The following APOL5 variants were observed in gnomAD, a reference collection of about 807,000 sequenced individuals.
APOL5 encodes the protein apolipoprotein L5.
A neutral mutation model predicts 35.5 loss-of-function variants in APOL5; 29 were observed. That is an observed-to-expected ratio of 0.82 (90% CI 0.61 to 1.11). The LOEUF is 1.11. Among genes scored for constraint, APOL5 ranks in the 50% most tolerant of loss-of-function variants. The pLI, the probability that APOL5 is intolerant of heterozygous loss-of-function variation, is 0.00. For missense variants in APOL5, 514 were observed against 530.4 expected, an observed-to-expected ratio of 0.97 and a Z score of 0.30; for synonymous variants, 188 against 200.2, an observed-to-expected ratio of 0.94 and a Z score of 0.51.
At chr22:35,718,186 T>C (rs1245819365) in intron 1 of APOL5, among the ~76,000 whole-genome samples, 1 of 152,228 alleles carries the variant, frequency 6.6e-6, no homozygotes, top group African/African-American at 2.4e-5. Flanking sequence ...TAAGCAGCTC[T>C]TTAAGCCCCT....
chr22:35,715,506 C>T (rs141664288), upstream of APOL5, among the ~76,000 whole-genome samples: 3,971 of 152,138 alleles, frequency 0.026, 83 homozygotes, highest in Middle Eastern at 0.088. Context: ...ATTAGCTGGG[C>T]GTGGTGGTGC....
chr22:35,717,255 T>TATATATATATATATATATATATATATA (rs1167745529), upstream of APOL5, among the ~76,000 whole-genome samples: 4 of 123,152 alleles, frequency 3.2e-5, no homozygotes, highest in African/African-American at 8.7e-5. Context: ...TATATATATA[T>TATATATATATATATATATATATATATA]TAGCTGGGTG....
chr22:35,712,870 T>C, the APOL5 span, among the ~76,000 whole-genome samples: 9 of 152,208 alleles, frequency 5.9e-5, no homozygotes. Context: ...TCTTTTCCCC[T>C]CTCTGCCTCA....
chr22:35,709,367 T>TCACACACACACA, the APOL5 span, among the ~76,000 whole-genome samples: 506 of 149,924 alleles, frequency 3.4e-3, 2 homozygotes, highest in Middle Eastern at 0.061. Flanking sequence ...CACAAAATTT[T>TCACACACACACA]CACACACACA....
the APOL5 span, among the ~76,000 whole-genome samples, chr22:35,711,662 CTCTT>C: frequency 3.4e-5 from 3 of 89,074 alleles, no homozygotes; most frequent in Admixed American, 1.2e-4. Context: ...CTCCCTCCCT[CTCTT>C]CCTCCCTTCC....
chr22:35,722,292 C>G (rs1926999329), intron 2 of APOL5, among the ~76,000 whole-genome samples: 1 of 152,054 alleles, frequency 6.6e-6, no homozygotes, highest in African/African-American at 2.4e-5. Context: ...GAAAATCAGC[C>G]AGTGGTTGAG....
intron 1 of APOL5, among the ~76,000 whole-genome samples, chr22:35,718,327 C>T (rs2145996194): frequency 6.6e-6 from 1 of 152,188 alleles, no homozygotes; most frequent in East Asian, 1.9e-4. Flanking sequence ...TGTTATGACC[C>T]CAAAGCACGG....
At chr22:35,715,581 G>A (rs1363229200), upstream of APOL5, among the ~76,000 whole-genome samples, 1 of 152,162 alleles carries the variant, frequency 6.6e-6, no homozygotes, top group Non-Finnish European at 1.5e-5. Context: ...GGGAGGCAGA[G>A]GTTGCAAAGC....
chr22:35,721,867 T>A (rs779602665), intron 2 of APOL5, among the ~76,000 whole-genome samples: 1 of 151,778 alleles, frequency 6.6e-6, no homozygotes, highest in Non-Finnish European at 1.5e-5. Context: ...CTTGCCAAAG[T>A]GTCCATAAGG....
chr22:35,724,003 G>T (rs1172446200), intron 2 of APOL5, among the ~76,000 whole-genome samples: 1 of 152,080 alleles, frequency 6.6e-6, no homozygotes, highest in Admixed American at 6.6e-5. Flanking sequence ...ATTCAACACT[G>T]TCCCACTGAA....
upstream of APOL5, among the ~76,000 whole-genome samples, chr22:35,714,420 A>G (rs980917500): frequency 6.6e-6 from 1 of 152,212 alleles, no homozygotes; most frequent in African/African-American, 2.4e-5. Context: ...TGTGTGGTTG[A>G]GAATTCCAGA....
At chr22:35,717,235 A>AAAAATAT, upstream of APOL5, among the ~76,000 whole-genome samples, 1,362 of 57,614 alleles carry the variant, frequency 0.024, 57 homozygotes, top group Middle Eastern at 0.043. Context: ...AAAAAAAAAA[A>AAAAATAT]ATATATATAT....
rs1926885194 is a variant in APOL5, at chr22:35,719,578, T to C, written c.56-990T>C. The stretch of plus-strand genomic sequence containing the variant: ...TGATTCTCAGAAGACTTTTGTGACT[T>C]AACGAAATGGGAAAAGTTCCCTTAT... On this transcript the variant is annotated intron_variant, in intron 1 of 4. Transcript: ENST00000249044. 2.6e-5 allele frequency among the ~76,000 whole-genome samples: 4 copies of C among 152,244 alleles called. No homozygotes were observed. The South Asian group carries it at 8.3e-4, about 31-fold the overall frequency.
At chr22:35,714,470 C>G (rs12484171), upstream of APOL5, among the ~76,000 whole-genome samples, 40,803 of 152,104 alleles carry the variant, frequency 0.27, 5,951 homozygotes, top group Non-Finnish European at 0.34. Context: ...TGCCTTCTCA[C>G]TATGTGGCCC....
chr22:35,715,295 A>G (rs1206172356), upstream of APOL5, among the ~76,000 whole-genome samples: 3 of 152,120 alleles, frequency 2.0e-5, no homozygotes, highest in African/African-American at 4.8e-5. Context: ...TCATCTCCCA[A>G]GATCTATTCT....
chr22:35,729,054 A>C, intron 4 of APOL5, 150 bp downstream of exon 4: 1 of 845,536 alleles, frequency 1.2e-6, no homozygotes, highest in South Asian at 2.1e-5. Flanking sequence ...CTGCCACGCC[A>C]CCTGGTGCCT....
chr22:35,717,238 ATAT>A (rs1569150412), upstream of APOL5, among the ~76,000 whole-genome samples: 30 of 116,824 alleles, frequency 2.6e-4, 1 homozygote, highest in African/African-American at 1.1e-3. Flanking sequence ...AAAAAAAAAT[ATAT>A]ATATATATAT....
upstream of APOL5, chr22:35,717,800 G>A: frequency 9.5e-7 from 1 of 1,047,934 alleles, no homozygotes; most frequent in Non-Finnish European, 1.3e-6. Flanking sequence ...GGGAGAGACA[G>A]GTTTCAGGCA....
At chr22:35,713,967 T>G (rs879742680), upstream of APOL5, among the ~76,000 whole-genome samples, 7 of 152,126 alleles carry the variant, frequency 4.6e-5, no homozygotes, top group Non-Finnish European at 1.0e-4. Context: ...TTAGCTGTGG[T>G]GACTGTATTT....
Sources: gnomAD v4.1 joint callset for allele counts (sites outside exome capture counted in the v4.1 genomes callset) on GRCh38, gnomAD v4.1.1 for gene constraint, MANE v1.5 for transcripts, NCBI Gene and HGNC (gene_info 2026-07-23, HGNC 2026-07-21) for gene names.